The following OGFOD3 variants were observed in gnomAD, a reference collection of about 807,000 sequenced individuals.
The protein encoded by OGFOD3 is 2-oxoglutarate and iron dependent oxygenase domain containing 3.
A neutral mutation model predicts 39.8 loss-of-function variants in OGFOD3; 35 were observed. The ratio of observed to expected loss-of-function variants is 0.88; its 90% CI spans 0.67 to 1.17. The LOEUF is 1.17. OGFOD3 is among the 50% of genes most tolerant of loss of function. OGFOD3 has a pLI of 0.00. For missense variants in OGFOD3, 438 were observed against 454.5 expected, an observed-to-expected ratio of 0.96 and a Z score of 0.33; for synonymous variants, 200 against 192.0, an observed-to-expected ratio of 1.04 and a Z score of -0.34.
intron 8 of OGFOD3, among the ~76,000 whole-genome samples, chr17:82,395,713 C>G (rs975904821): frequency 6.6e-6 from 1 of 152,086 alleles, no homozygotes; most frequent in Non-Finnish European, 1.5e-5. Context: ...CCCAGCTACT[C>G]GGGAGGCTGA....
chr17:82,394,659 C>T, intron 8 of OGFOD3: 1 of 709,536 alleles, frequency 1.4e-6, no homozygotes, highest in South Asian at 2.1e-5. Context: ...CCAGGGGGGA[C>T]CTCTGAGCCC....
rs9905572 is a variant in OGFOD3, at chr17:82,409,246, A to C, written c.423+122T>G. ...GGCTGGTGCTGAGAAACACCACGGC[A>C]GGCCCCACCCACATTTGGGGGCACG... is the stretch of plus-strand genomic sequence containing the variant. On this transcript the variant is annotated intron_variant, in intron 4 of 8. Transcript: ENST00000313056. The C allele has an allele frequency of 2.9e-4, 268 of 932,894 alleles. No individual in the cohort carries two copies. In the African/African-American group the frequency reaches 4.0e-3, roughly 14 times the overall value. The allele number at this position is 932,894 out of a possible 1,614,324, so 57.8% of individuals were successfully genotyped here.
intron 7 of OGFOD3, among the ~76,000 whole-genome samples, chr17:82,402,809 C>G (rs1046701137): frequency 5.9e-5 from 9 of 151,598 alleles, no homozygotes; most frequent in Admixed American, 2.0e-4. Flanking sequence ...AATCCCAGCA[C>G]CTTGGGAGGC....
rs1011103731 is a variant in OGFOD3 at position 82,390,210 on chromosome 17, G to C, written c.*2188C>G. On this transcript the variant is annotated 3_prime_UTR_variant, in exon 9 of 9. Transcript: ENST00000313056. The surrounding 1 kb of genome is among the most constrained non-coding windows in gnomAD (Gnocchi z 4.9). ...CTTCAAATGCATTTATCCTTTAGAC[G>C]TGGCGAGAAGCCGGCGACATCATCA... 2 of 152,198 alleles carry C rather than the reference G, an allele frequency of 1.3e-5. No homozygotes were observed. Among genetic ancestry groups the C allele is most frequent in the African/African-American group, 4.8e-5 (2 of 41,422 alleles). The allele number at this position is 152,198 out of a possible 1,614,324, so 9.4% of individuals were successfully genotyped here.
rs2053013669 is a variant in OGFOD3 at position 82,415,311 on chromosome 17, A to C, written c.304+87T>G. On this transcript the variant is annotated intron_variant, in intron 2 of 8. Transcript: ENST00000313056. The surrounding 1 kb of genome is among the most constrained non-coding windows in gnomAD (Gnocchi z 5.3). ...TGTCTGCTACCCCCAAGCATACCAC[A>C]TCCAACCCAATTCCCACCCCTTCGT... 3.0e-6 allele frequency: 4 copies of C among 1,347,882 alleles called. No homozygotes were observed. Among genetic ancestry groups the C allele is most frequent in the Non-Finnish European group, 4.2e-6 (4 of 957,876 alleles). The allele number at this position is 1,347,882 out of a possible 1,614,324, so 83.5% of individuals were successfully genotyped here.
Position 82,394,866 on chromosome 17 carries a change from C to T in OGFOD3, c.824-2332G>A, listed in dbSNP as rs560530368. Reference sequence around the variant, plus strand: ...AGTAAAAACCCTGGACACCAAGGCTCGGCCGAGCATCCCTGGTCAGTGACA... The same window carrying T: ...AGTAAAAACCCTGGACACCAAGGCTTGGCCGAGCATCCCTGGTCAGTGACA... On this transcript the variant is annotated intron_variant, in intron 8 of 8. Coordinates refer to ENST00000313056, the MANE Select transcript of OGFOD3 (RefSeq NM_024648.3). 7.2e-5 allele frequency among the ~76,000 whole-genome samples: 11 copies of T among 152,248 alleles called. No homozygotes were observed. In the South Asian group the frequency reaches 2.3e-3, roughly 32 times the overall value.
chr17:82,415,502 T>TC lies in OGFOD3; in HGVS notation c.199dup (p.Asp67GlyfsTer26). On this transcript the variant is annotated frameshift_variant, in exon 2 of 9. Coordinates refer to ENST00000313056, the MANE Select transcript of OGFOD3 (RefSeq NM_024648.3). LOFTEE classifies it high-confidence loss of function. The surrounding 1 kb of genome is among the most constrained non-coding windows in gnomAD (Gnocchi z 5.3). ...GGCCAGGACCTCTGCGACCCCGTCG[T>TC]CGGCCCCCAAGCTGCTCCAGAGCAG... 1 of 1,613,626 alleles carries TC rather than the reference T, an allele frequency of 6.2e-7. No individual in the cohort carries two copies. Among genetic ancestry groups the TC allele is most frequent in the Non-Finnish European group, 8.5e-7 (1 of 1,179,924 alleles).
At position 82,415,533 on chromosome 17, in the gene OGFOD3, C is replaced by A. The variant is rs377242494; in HGVS notation, c.169G>T (p.Ala57Ser). Residue 57 changes from alanine (A) to serine (S), a missense_variant, in exon 2 of 9, where the codon GCA becomes TCA. Ala to Ser is a moderately conservative substitution (Grantham distance 99). Transcript: ENST00000313056. The surrounding 1 kb of genome is among the most constrained non-coding windows in gnomAD (Gnocchi z 5.3). Reference protein sequence around the residue: ...AGLGAGFVLTALLLWSSLGAD... With the variant: ...AGLGAGFVLTSLLLWSSLGAD... ...CCCAAGCTGCTCCAGAGCAGGAGTG[C>A]GGTGAGCACAAAGCCAGCCCCCAGG... 1 of 1,613,406 alleles carries A rather than the reference C, an allele frequency of 6.2e-7. No individual in the cohort carries two copies. The highest frequency in any genetic ancestry group is 1.6e-4 in the Middle Eastern group (1 of 6,084).
At chr17:82,402,616 A>T (rs1175019167) in intron 7 of OGFOD3, among the ~76,000 whole-genome samples, 1 of 150,332 alleles carries the variant, frequency 6.7e-6, no homozygotes, top group Admixed American at 6.6e-5. Flanking sequence ...GCGTGGTGGC[A>T]TGTGCCTGTA....
intron 7 of OGFOD3, among the ~76,000 whole-genome samples, chr17:82,398,684 C>A (rs1261699407): frequency 1.3e-5 from 2 of 151,804 alleles, no homozygotes; most frequent in African/African-American, 4.8e-5. Context: ...CGGGCATGAG[C>A]CACTGAACCC....
intron 8 of OGFOD3, among the ~76,000 whole-genome samples, chr17:82,394,961 T>A (rs1413477458): frequency 6.6e-6 from 1 of 152,200 alleles, no homozygotes; most frequent in African/African-American, 2.4e-5. Flanking sequence ...GAGAAGACAG[T>A]GGGAAGCTCA....
At position 82,390,462 on chromosome 17, in the gene OGFOD3, C is replaced by T. The variant is rs2052586211; in HGVS notation, c.*1936G>A. 1 of 152,422 alleles carries T rather than the reference C, an allele frequency of 6.6e-6. No homozygotes were observed. Among genetic ancestry groups the T allele is most frequent in the Admixed American group, 6.5e-5 (1 of 15,296 alleles). The allele number at this position is 152,422 out of a possible 1,614,324, so 9.4% of individuals were successfully genotyped here. ...CTTTGGCCACCAACCGGAGGTGGGC[C>T]TCATCCTCCCAGATCCATGGAGTCC... On this transcript the variant is annotated 3_prime_UTR_variant, in exon 9 of 9. Coordinates refer to ENST00000313056, the MANE Select transcript of OGFOD3 (RefSeq NM_024648.3). The surrounding 1 kb of genome is among the most constrained non-coding windows in gnomAD (Gnocchi z 4.9).
chr17:82,406,484 T>C lies in OGFOD3; in HGVS notation c.424-2A>G, dbSNP rs2143255665. On this transcript the variant is annotated splice_acceptor_variant, in intron 4 of 8. Transcript: ENST00000313056. LOFTEE classifies it high-confidence loss of function. This position sits in a 1 kb window ranked among gnomAD's most constrained non-coding sequence, Gnocchi z 5.2. ...TGAGTGCAAGTCCAGAATGGATGCC[T>C]GGAAAAGACGTTGTGGAGTAAAGCG... 1.2e-6 allele frequency: 2 copies of C among 1,613,962 alleles called. No homozygotes were observed. The highest frequency in any genetic ancestry group is 2.2e-5 in the South Asian group (2 of 91,088).
rs192977953 is a variant in OGFOD3, at chr17:82,415,344, A to C, written c.304+54T>G. On this transcript the variant is annotated intron_variant, in intron 2 of 8. Coordinates refer to ENST00000313056, the MANE Select transcript of OGFOD3 (RefSeq NM_024648.3). The surrounding 1 kb of genome is among the most constrained non-coding windows in gnomAD (Gnocchi z 5.3). ...CAATTCCCACCCCTTCGTCGCAGCCAATGTCCTTTAACCACACTGAGTCTC... is the reference window on the plus strand; with the variant it reads ...CAATTCCCACCCCTTCGTCGCAGCCCATGTCCTTTAACCACACTGAGTCTC... The C allele has an allele frequency of 4.0e-4, 611 of 1,543,172 alleles. 1 individual carries two copies. In the African/African-American group the frequency reaches 7.0e-3, roughly 18 times the overall value.
intron 8 of OGFOD3, chr17:82,394,456 A>C (rs767303236): frequency 6.2e-7 from 1 of 1,613,642 alleles, no homozygotes; most frequent in Admixed American, 1.7e-5. Context: ...AGGACACCTG[A>C]CTCCAGCCTT....
At chr17:82,410,481 C>T (rs143514089) in intron 3 of OGFOD3, among the ~76,000 whole-genome samples, 315 of 152,294 alleles carry the variant, frequency 2.1e-3, no homozygotes, top group Middle Eastern at 6.8e-3. Flanking sequence ...GGTGGGCTGA[C>T]GGGCTCCCTG....
chr17:82,399,227 A>G (rs2052725547), intron 7 of OGFOD3, among the ~76,000 whole-genome samples: 1 of 152,316 alleles, frequency 6.6e-6, no homozygotes, highest in East Asian at 1.9e-4. Context: ...CCCTCTGCAG[A>G]GTCTCCAGCC....
chr17:82,398,413 T>G, intron 7 of OGFOD3, 94 bp from the exon 8 acceptor site: 1 of 1,470,416 alleles, frequency 6.8e-7, no homozygotes, highest in Middle Eastern at 1.9e-4. Flanking sequence ...GTTTATTTAT[T>G]TTTTGAGACA....
intron 4 of OGFOD3, among the ~76,000 whole-genome samples, chr17:82,408,428 G>C (rs1454405861): frequency 6.6e-6 from 1 of 152,234 alleles, no homozygotes; most frequent in African/African-American, 2.4e-5. Flanking sequence ...AACACCAGCT[G>C]CACCAGACTG....
Sources: gnomAD v4.1 joint callset for allele counts (sites outside exome capture counted in the v4.1 genomes callset) on GRCh38, gnomAD v4.1.1 for gene constraint, Gnocchi (gnomAD v3.1) non-coding constraint, MANE v1.5 for transcripts, NCBI Gene and HGNC (gene_info 2026-07-23, HGNC 2026-07-21) for gene names.